Variants in MDGA2 observed in about 807,000 individuals in gnomAD.
MDGA2 encodes MAM domain containing glycosylphosphatidylinositol anchor 2, also known as MAM domain-containing glycosylphosphatidylinositol anchor protein 2.
A neutral mutation model predicts 117.8 loss-of-function variants in MDGA2; 40 were observed. The ratio of observed to expected loss-of-function variants is 0.34; its 90% CI spans 0.26 to 0.44. MDGA2 has a LOEUF of 0.44. Among genes scored for constraint, MDGA2 ranks in the 20% least tolerant of loss-of-function variants. The pLI is 1.00. For synonymous variants in MDGA2, 452 were observed against 439.0 expected, an observed-to-expected ratio of 1.03 and a Z score of -0.37; for missense variants, 1,123 against 1,250.6, an observed-to-expected ratio of 0.90 and a Z score of 1.54.
At chr14:47,348,368 C>G (rs774828666) in intron 1 of MDGA2, among the ~76,000 whole-genome samples, 1 of 151,928 alleles carries the variant, frequency 6.6e-6, no homozygotes, top group African/African-American at 2.4e-5. Context: ...TGTGACACCA[C>G]GCCCAGCTAA....
chr14:47,306,842 G>GAGAGAGAGA (rs1889463106), intron 1 of MDGA2, among the ~76,000 whole-genome samples: 5 of 146,594 alleles, frequency 3.4e-5, no homozygotes, highest in African/African-American at 7.7e-5. Flanking sequence ...AGAGAAAGAG[G>GAGAGAGAGA]GAGAGAGAGA....
At chr14:47,503,606 G>C (rs1050180472) in intron 1 of MDGA2, among the ~76,000 whole-genome samples, 1 of 151,860 alleles carries the variant, frequency 6.6e-6, no homozygotes, top group African/African-American at 2.4e-5. Context: ...GGGTTTCACC[G>C]TGTTAGCCAG....
At chr14:47,654,452 A>T (rs1897705430) in intron 1 of MDGA2, among the ~76,000 whole-genome samples, 1 of 152,062 alleles carries the variant, frequency 6.6e-6, no homozygotes, top group African/African-American at 2.4e-5. Context: ...ACTGGCTAAT[A>T]ACTAACGGTA....
chr14:47,638,571 T>G (rs899641535), intron 1 of MDGA2, among the ~76,000 whole-genome samples: 1 of 152,150 alleles, frequency 6.6e-6, no homozygotes, highest in South Asian at 2.1e-4. Context: ...CTAAAATTCC[T>G]GAATAGTTCT....
At chr14:47,588,053 T>C (rs1453497983) in intron 1 of MDGA2, among the ~76,000 whole-genome samples, 1 of 151,786 alleles carries the variant, frequency 6.6e-6, no homozygotes, top group Admixed American at 6.6e-5. Flanking sequence ...ATATTATTAC[T>C]GCATTTCTTT....
intron 1 of MDGA2, among the ~76,000 whole-genome samples, chr14:47,646,167 A>G (rs4900794): frequency 0.15 from 23,247 of 151,596 alleles, 1,891 homozygotes; most frequent in East Asian, 0.25. Flanking sequence ...TCAATGTTAA[A>G]TACAAAGATA....
intron 9 of MDGA2, among the ~76,000 whole-genome samples, chr14:46,926,757 A>G (rs1156847416): frequency 6.6e-6 from 1 of 152,182 alleles, no homozygotes; most frequent in Non-Finnish European, 1.5e-5. Flanking sequence ...CAGGGAAATG[A>G]TATAAATTTA....
chr14:47,285,887 A>G (rs988534469), intron 2 of MDGA2, among the ~76,000 whole-genome samples: 1 of 152,142 alleles, frequency 6.6e-6, no homozygotes, highest in African/African-American at 2.4e-5. Context: ...CCAAATTCAC[A>G]GGACTAGAAA....
At chr14:47,550,156 C>G (rs148955257) in intron 1 of MDGA2, among the ~76,000 whole-genome samples, 1 of 152,158 alleles carries the variant, frequency 6.6e-6, no homozygotes, top group Non-Finnish European at 1.5e-5. Context: ...CCTGCCCCCA[C>G]GTCTTTCCTA....
At chr14:46,891,812 CAA>C (rs1882895327) in intron 10 of MDGA2, among the ~76,000 whole-genome samples, 1 of 150,428 alleles carries the variant, frequency 6.6e-6, no homozygotes, top group Non-Finnish European at 1.5e-5. Context: ...TTTTTAATGA[CAA>C]GGCTTTTTTA....
intron 1 of MDGA2, among the ~76,000 whole-genome samples, chr14:47,307,656 C>G (rs892380458): frequency 1.3e-5 from 2 of 151,348 alleles, no homozygotes; most frequent in Admixed American, 1.3e-4. Context: ...TCACTGCACT[C>G]CAGCCTAGGT....
intron 8 of MDGA2, among the ~76,000 whole-genome samples, chr14:47,028,987 A>G (rs1480247436): frequency 2.0e-5 from 3 of 152,088 alleles, no homozygotes; most frequent in Non-Finnish European, 4.4e-5. Flanking sequence ...GGTCACACTG[A>G]TATTTCCAGA....
At chr14:47,048,226 T>A (rs1489464120) in intron 7 of MDGA2, among the ~76,000 whole-genome samples, 1 of 152,054 alleles carries the variant, frequency 6.6e-6, no homozygotes, top group Non-Finnish European at 1.5e-5. Flanking sequence ...ACTAGTAAGT[T>A]ATAAGGAACT....
chr14:47,224,702 T>C (rs1343351924), intron 2 of MDGA2, among the ~76,000 whole-genome samples: 1 of 152,170 alleles, frequency 6.6e-6, no homozygotes, highest in African/African-American at 2.4e-5. Context: ...CTGCTATAAT[T>C]ATTGGGATGA....
chr14:46,968,941 T>C (rs1886148079), intron 8 of MDGA2, among the ~76,000 whole-genome samples: 1 of 151,384 alleles, frequency 6.6e-6, no homozygotes, highest in African/African-American at 2.4e-5. Context: ...ATACCAATAA[T>C]GAACTAGCTG....
intron 2 of MDGA2, among the ~76,000 whole-genome samples, chr14:47,239,244 T>A (rs8012473): frequency 0.46 from 69,235 of 150,100 alleles, 17,244 homozygotes; most frequent in Admixed American, 0.61. Context: ...AGGGCTCTGA[T>A]AAGTGCTAAA....
intron 1 of MDGA2, among the ~76,000 whole-genome samples, chr14:47,383,059 A>G (rs1249352003): frequency 2.0e-5 from 3 of 152,232 alleles, no homozygotes; most frequent in Non-Finnish European, 4.4e-5. Flanking sequence ...TTGTAGGGAC[A>G]TGGATGATGC....
intron 2 of MDGA2, among the ~76,000 whole-genome samples, chr14:47,267,606 A>G (rs186291302): frequency 4.6e-5 from 7 of 152,286 alleles, no homozygotes; most frequent in South Asian, 4.1e-4. Flanking sequence ...GTTTAAGTGT[A>G]TGCATATCTG....
intron 1 of MDGA2, among the ~76,000 whole-genome samples, chr14:47,597,828 C>T (rs1029738438): frequency 6.4e-5 from 9 of 141,440 alleles, no homozygotes; most frequent in Non-Finnish European, 1.1e-4. Flanking sequence ...CACACAGAGA[C>T]GCACACCACA....
Sources: gnomAD v4.1 joint callset for allele counts (sites outside exome capture counted in the v4.1 genomes callset) on GRCh38, gnomAD v4.1.1 for gene constraint, MANE v1.5 for transcripts, NCBI Gene and HGNC (gene_info 2026-07-23, HGNC 2026-07-21) for gene names.